The following ATP8A1 variants were observed in gnomAD, a reference collection of about 807,000 sequenced individuals.
ATP8A1 encodes ATPase phospholipid transporting 8A1.
Under a neutral mutation model 177.7 loss-of-function variants are expected in ATP8A1, and 90 were observed. The ratio of observed to expected loss-of-function variants is 0.51; its 90% CI spans 0.43 to 0.60. The LOEUF is 0.60. Ranked by LOEUF, ATP8A1 falls within the 20% of genes least tolerant of loss-of-function variation. The probability of loss-of-function intolerance (pLI) is 0.00; values close to 1 mark genes in which losing one functional copy is unlikely to be tolerated. For synonymous variants in ATP8A1, 493 were observed against 485.9 expected (o/e 1.01, Z -0.19); for missense variants, 1,072 against 1,392.8 (o/e 0.77, Z 3.67).
chr4:42,491,368 C>A (rs1436209764), intron 24 of ATP8A1, among the ~76,000 whole-genome samples: 1 of 152,084 alleles, frequency 6.6e-6, no homozygotes, highest in Admixed American at 6.6e-5. Context: ...TAAGATATAA[C>A]CTTCCCAAAC....
intron 32 of ATP8A1, 80 bp from the exon 33 acceptor site, chr4:42,443,752 C>T (rs1444364328): frequency 4.4e-6 from 3 of 684,012 alleles, no homozygotes; most frequent in African/African-American, 1.8e-5. Context: ...TCTCAAATTC[C>T]CTTATTAACT....
At chr4:42,572,850 T>C (rs1337530978) in intron 14 of ATP8A1, among the ~76,000 whole-genome samples, 1 of 152,210 alleles carries the variant, frequency 6.6e-6, no homozygotes, top group Non-Finnish European at 1.5e-5. Flanking sequence ...TAGGATTACA[T>C]GGTAAATTCT....
rs1379733545 is a variant in ATP8A1, at chr4:42,408,952, T to C, written c.*3964A>G. The stretch of plus-strand genomic sequence containing the variant: ...AGCTTTCCTACTTAAGGGAGATTTA[T>C]TTGCTGAGAAGTTTTGGGAGCTTTA... On this transcript the variant is annotated 3_prime_UTR_variant, in exon 37 of 37. Coordinates refer to ENST00000381668, the MANE Select transcript of ATP8A1 (RefSeq NM_006095.2). 6.6e-6 allele frequency: 1 copy of C among 152,226 alleles called. No homozygotes were observed. Among genetic ancestry groups the C allele is most frequent in the Non-Finnish European group, 1.5e-5 (1 of 68,020 alleles). 9.4% of individuals were successfully genotyped at this position (152,226 alleles called of 1,614,324 possible).
intron 33 of ATP8A1, among the ~76,000 whole-genome samples, chr4:42,439,885 G>A (rs573202118): frequency 5.9e-5 from 9 of 152,322 alleles, no homozygotes; most frequent in African/African-American, 2.2e-4. Context: ...CAACGTTTAA[G>A]GTAGCAGACC....
At chr4:42,564,691 G>A (rs1006784932) in intron 15 of ATP8A1, among the ~76,000 whole-genome samples, 2 of 152,216 alleles carry the variant, frequency 1.3e-5, no homozygotes, top group Non-Finnish European at 2.9e-5. Context: ...ATAGGCAGAA[G>A]GGACTTGCCT....
At chr4:42,566,688 A>G (rs1024741772) in intron 15 of ATP8A1, among the ~76,000 whole-genome samples, 2 of 152,232 alleles carry the variant, frequency 1.3e-5, no homozygotes, top group African/African-American at 4.8e-5. Context: ...AATTTCAAGG[A>G]TATCTTGTGA....
intron 1 of ATP8A1, among the ~76,000 whole-genome samples, chr4:42,629,281 CTG>C (rs1298114819): frequency 1.3e-5 from 2 of 152,224 alleles, no homozygotes; most frequent in African/African-American, 4.8e-5. Flanking sequence ...AAAATCTAAA[CTG>C]TAAACTGTTG....
At chr4:42,655,327 A>G (rs1431246704) in intron 1 of ATP8A1, among the ~76,000 whole-genome samples, 1 of 152,238 alleles carries the variant, frequency 6.6e-6, no homozygotes, top group African/African-American at 2.4e-5. Context: ...ACACAAGCCA[A>G]TCAAGAACAA....
intron 4 of ATP8A1, among the ~76,000 whole-genome samples, chr4:42,619,613 CATATAT>C (rs55992429): frequency 2.0e-5 from 3 of 148,928 alleles, no homozygotes; most frequent in Non-Finnish European, 4.5e-5. Flanking sequence ...TCTATCTACA[CATATAT>C]ATATATATAT....
intron 12 of ATP8A1, among the ~76,000 whole-genome samples, chr4:42,577,939 A>C (rs1732640690): frequency 6.6e-6 from 1 of 152,148 alleles, no homozygotes; most frequent in Non-Finnish European, 1.5e-5. Flanking sequence ...TTTCAAAATA[A>C]GTGACTTGAG....
intron 9 of ATP8A1, among the ~76,000 whole-genome samples, chr4:42,584,695 A>G (rs976308479): frequency 1.3e-5 from 2 of 152,108 alleles, no homozygotes; most frequent in Non-Finnish European, 2.9e-5. Context: ...ATACCCTTTC[A>G]TTCTCAGTTA....
intron 6 of ATP8A1, 34 bp from the exon 7 acceptor site, chr4:42,590,918 CA>C (rs3833615): frequency 2.6e-3 from 2,995 of 1,150,486 alleles, no homozygotes; most frequent in African/African-American, 4.5e-3. Flanking sequence ...TTAAAATGGC[CA>C]AAAAAAAAAA....
At chr4:42,432,110 A>G (rs1177695907) in intron 33 of ATP8A1, among the ~76,000 whole-genome samples, 1 of 152,064 alleles carries the variant, frequency 6.6e-6, no homozygotes, top group Non-Finnish European at 1.5e-5. Context: ...TCAGTTACCC[A>G]TAATAGGCTC....
intron 34 of ATP8A1, 103 bp from the exon 35 acceptor site, chr4:42,423,002 G>A (rs530042693): frequency 9.7e-6 from 7 of 721,522 alleles, no homozygotes; most frequent in African/African-American, 1.8e-5. Context: ...AAGCACAATG[G>A]TAACAAGAGT....
At chr4:42,576,455 G>A (rs1195091629) in intron 12 of ATP8A1, among the ~76,000 whole-genome samples, 65 of 102,676 alleles carry the variant, frequency 6.3e-4, no homozygotes, top group Admixed American at 3.2e-4. Context: ...CAGCCTGGGC[G>A]ACAGAGCAAG....
chr4:42,613,248 T>C (rs35079886), intron 5 of ATP8A1, among the ~76,000 whole-genome samples: 28,758 of 152,084 alleles, frequency 0.19, 2,812 homozygotes, highest in Non-Finnish European at 0.21. Flanking sequence ...AACAAAAATA[T>C]ACTATTCTCT....
chr4:42,604,719 G>A (rs1407476006), intron 5 of ATP8A1, among the ~76,000 whole-genome samples: 4 of 152,138 alleles, frequency 2.6e-5, no homozygotes, highest in Non-Finnish European at 5.9e-5. Flanking sequence ...CACAAAACTT[G>A]TATATGAATG....
At chr4:42,465,282 T>A (rs1719613655) in intron 25 of ATP8A1, among the ~76,000 whole-genome samples, 1 of 152,182 alleles carries the variant, frequency 6.6e-6, no homozygotes, top group Admixed American at 6.5e-5. Context: ...AAAACAAGCC[T>A]CAGAGGCAAA....
intron 7 of ATP8A1, 131 bp from the exon 8 acceptor site, chr4:42,588,460 A>T: frequency 2.9e-6 from 2 of 679,258 alleles, no homozygotes; most frequent in Non-Finnish European, 2.4e-6. Context: ...CTTCTTGATG[A>T]TTTTCATTCT....
Sources: allele counts gnomAD v4.1 joint callset (sites outside exome capture counted in the v4.1 genomes callset), GRCh38; gene constraint gnomAD v4.1.1; transcripts MANE v1.5; gene names NCBI Gene and HGNC (gene_info 2026-07-23, HGNC 2026-07-21).